The following SLC7A11 variants were observed in gnomAD, a reference collection of about 807,000 sequenced individuals.
The protein encoded by SLC7A11 is solute carrier family 7 member 11.
A neutral mutation model predicts 54.5 loss-of-function variants in SLC7A11; 35 were observed. That is an observed-to-expected ratio of 0.64 (90% CI 0.49 to 0.85). The LOEUF is 0.85. Among genes scored for constraint, SLC7A11 ranks in the 40% least tolerant of loss-of-function variants. The probability of loss-of-function intolerance (pLI) is 0.00; values close to 1 mark genes in which losing one functional copy is unlikely to be tolerated. For missense variants in SLC7A11, 583 were observed against 618.1 expected (o/e 0.94, Z 0.60); for synonymous variants, 230 against 225.2 (o/e 1.02, Z -0.19).
intron 3 of SLC7A11, among the ~76,000 whole-genome samples, chr4:138,229,211 C>T (rs1738017448): frequency 6.6e-6 from 1 of 152,180 alleles, no homozygotes; most frequent in African/African-American, 2.4e-5. Flanking sequence ...TAACCTTCCA[C>T]CCCTAACAGG....
intron 6 of SLC7A11, among the ~76,000 whole-genome samples, chr4:138,189,454 AC>A: frequency 6.6e-6 from 1 of 152,122 alleles, no homozygotes; most frequent in Middle Eastern, 3.4e-3. Flanking sequence ...TGGAACCAGA[AC>A]CCACCTCTTC....
At chr4:138,199,961 A>G (rs1160889741) in intron 6 of SLC7A11, among the ~76,000 whole-genome samples, 1 of 152,142 alleles carries the variant, frequency 6.6e-6, no homozygotes, top group East Asian at 1.9e-4. Flanking sequence ...AAACACTTAC[A>G]TACATTTAAA....
chr4:138,183,208 A>G lies in SLC7A11; in HGVS notation c.1013T>C (p.Val338Ala). The G allele has an allele frequency of 6.2e-7, 1 of 1,606,984 alleles. No homozygotes were observed. The highest frequency in any genetic ancestry group is 8.5e-7 in the Non-Finnish European group (1 of 1,174,374). ...FGSMNGGVFA[V>A]SRLFYVASRE... Reference sequence around the variant, plus strand: ...AATACATGAACTCACTCACCTGGAGACAGCAAACACACCACCGTTCATGGA... The same window carrying G: ...AATACATGAACTCACTCACCTGGAGGCAGCAAACACACCACCGTTCATGGA... The change falls in exon 8 of 12, where the codon GTC becomes GCC. Residue 338 changes from valine to alanine, a missense_variant. By Grantham distance (64) the Val-to-Ala change is moderately conservative (BLOSUM62 0). Coordinates refer to ENST00000280612, the MANE Select transcript of SLC7A11 (RefSeq NM_014331.4).
intron 5 of SLC7A11, among the ~76,000 whole-genome samples, chr4:138,218,463 A>G (rs2148442189): frequency 6.6e-6 from 1 of 152,328 alleles, no homozygotes; most frequent in African/African-American, 2.4e-5. Context: ...CCATCATCTC[A>G]ACTAAATCTT....
rs1279317242 is a variant in SLC7A11, at chr4:138,172,091, T to C, written c.1445-74A>G. Reference sequence around the variant, plus strand: ...ATTAAAAATAGCAAAATATGAATTATTTTGGGTTGAATACCAAAAACACAC... The same window carrying C: ...ATTAAAAATAGCAAAATATGAATTACTTTGGGTTGAATACCAAAAACACAC... On this transcript the variant is annotated intron_variant, in intron 11 of 11. Transcript: ENST00000280612. 25 of 1,465,806 alleles carry C rather than the reference T, an allele frequency of 1.7e-5. No homozygotes were observed. In the Admixed American group the frequency reaches 2.4e-4, roughly 14 times the overall value. The allele number at this position is 1,465,806 out of a possible 1,614,324, so 90.8% of individuals were successfully genotyped here.
At chr4:138,208,047 T>C (rs1737451516) in intron 6 of SLC7A11, among the ~76,000 whole-genome samples, 1 of 152,082 alleles carries the variant, frequency 6.6e-6, no homozygotes, top group African/African-American at 2.4e-5. Flanking sequence ...TCACACTGCC[T>C]TAAAGGTCTT....
chr4:138,223,403 G>A lies in SLC7A11; in HGVS notation c.521-79C>T, dbSNP rs144798020. On this transcript the variant is annotated intron_variant, in intron 3 of 11. Transcript: ENST00000280612. ...ATTTTAGGTCCTTGTTACTCAAAGG[G>A]CAATCTGTGAGGCAGCAGTGTTGAC... 1.2e-4 allele frequency: 172 copies of A among 1,479,626 alleles called. 2 individuals are homozygous for A. In the East Asian group the frequency reaches 3.5e-3, roughly 30 times the overall value. 91.7% of individuals were successfully genotyped at this position (1,479,626 alleles called of 1,614,324 possible). A position where few individuals can be genotyped will look rare whatever the true frequency, so the allele number is the denominator to read the frequency against.
chr4:138,207,335 T>C (rs1442622292), intron 6 of SLC7A11, among the ~76,000 whole-genome samples: 1 of 152,048 alleles, frequency 6.6e-6, no homozygotes, highest in Non-Finnish European at 1.5e-5. Context: ...AGTTACAATA[T>C]TATATGTTAT....
At chr4:138,193,711 A>C (rs949826892) in intron 6 of SLC7A11, among the ~76,000 whole-genome samples, 2 of 152,196 alleles carry the variant, frequency 1.3e-5, no homozygotes, top group African/African-American at 4.8e-5. Context: ...AGGCAGGAGA[A>C]TCGCTTGAAC....
Position 138,183,266 on chromosome 4 carries a change from C to G in SLC7A11, c.955G>C (p.Val319Leu). 1 of 1,612,054 alleles carries G rather than the reference C, an allele frequency of 6.2e-7. No individual in the cohort carries two copies. Among genetic ancestry groups the G allele is most frequent in the South Asian group, 1.1e-5 (1 of 90,932 alleles). The change falls in exon 8 of 12, where the codon GTT (valine) becomes CTT (leucine). Residue 319 changes from valine to leucine, a missense_variant. Val to Leu is a conservative substitution (Grantham distance 32, BLOSUM62 1). Transcript: ENST00000280612. ...ERLLGNFSLA[V>L]PIFVALSCFG... is the part of the protein sequence containing the mutation. ...CAGGAGAGGGCAACAAAGATCGGAA[C>G]TGCTAATGAGAAATTTCCCAGTAGC...
At chr4:138,235,743 G>A (rs1738192676) in intron 2 of SLC7A11, among the ~76,000 whole-genome samples, 1 of 152,206 alleles carries the variant, frequency 6.6e-6, no homozygotes, top group Non-Finnish European at 1.5e-5. Context: ...AAGCAGGAAT[G>A]TAAACACATT....
chr4:138,173,834 G>C (rs1050240011), intron 11 of SLC7A11, among the ~76,000 whole-genome samples: 1 of 151,942 alleles, frequency 6.6e-6, no homozygotes, highest in East Asian at 1.9e-4. Context: ...TGCAGCATAA[G>C]GGAGCACTCA....
rs1282494938 is a variant in SLC7A11, at chr4:138,169,086, CTGTT to C, written c.*2866_*2869del. 6.6e-6 allele frequency: 1 copy of C among 152,074 alleles called. No individual in the cohort carries two copies. Among genetic ancestry groups the C allele is most frequent in the African/African-American group, 2.4e-5 (1 of 41,414 alleles). The allele number at this position is 152,074 out of a possible 1,614,324, so 9.4% of individuals were successfully genotyped here. A position where few individuals can be genotyped will look rare whatever the true frequency, so the allele number is the denominator to read the frequency against. ...TTTTAAACAGTATTCATTACTTTTA[CTGTT>C]TATGTTATAATAAACTTATGTATAT... On this transcript the variant is annotated 3_prime_UTR_variant, in exon 12 of 12. Coordinates refer to ENST00000280612, the MANE Select transcript of SLC7A11 (RefSeq NM_014331.4).
chr4:138,172,103 T>C, intron 11 of SLC7A11, 86 bp from the exon 12 acceptor site: 1 of 1,351,868 alleles, frequency 7.4e-7, no homozygotes, highest in Non-Finnish European at 9.9e-7. Flanking sequence ...TTGGGTTGAA[T>C]ACCAAAAACA....
chr4:138,196,054 G>C (rs1737124306), intron 6 of SLC7A11, among the ~76,000 whole-genome samples: 1 of 152,156 alleles, frequency 6.6e-6, no homozygotes, highest in Admixed American at 6.6e-5. Context: ...TTAAGAGGCA[G>C]CTTAACAGAG....
At chr4:138,204,082 T>C (rs1190080950) in intron 6 of SLC7A11, among the ~76,000 whole-genome samples, 10 of 152,076 alleles carry the variant, frequency 6.6e-5, no homozygotes, top group Non-Finnish European at 5.9e-5. Context: ...GGTTCTACTC[T>C]TCCTCCAACT....
intron 11 of SLC7A11, chr4:138,175,955 A>G (rs1736561510): frequency 1.3e-5 from 2 of 152,192 alleles, no homozygotes; most frequent in Admixed American, 1.3e-4. Flanking sequence ...ATGAAAGAAC[A>G]TGATATTAAA....
intron 6 of SLC7A11, among the ~76,000 whole-genome samples, chr4:138,206,660 C>T (rs1339127583): frequency 1.3e-5 from 2 of 151,670 alleles, no homozygotes; most frequent in African/African-American, 2.4e-5. Context: ...AATTTCTGCA[C>T]CACTTATTTG....
At chr4:138,209,936 A>G (rs1281926242) in intron 6 of SLC7A11, among the ~76,000 whole-genome samples, 1 of 151,956 alleles carries the variant, frequency 6.6e-6, no homozygotes, top group East Asian at 1.9e-4. Context: ...AAATAGGCAA[A>G]GCAACCCCAA....
Sources: allele counts gnomAD v4.1 joint callset (sites outside exome capture counted in the v4.1 genomes callset), GRCh38; gene constraint gnomAD v4.1.1; transcripts MANE v1.5; gene names NCBI Gene and HGNC (gene_info 2026-07-23, HGNC 2026-07-21).